The following LRP1B variants were observed in gnomAD, a reference collection of about 807,000 sequenced individuals.
LRP1B encodes the protein LDL receptor related protein 1B.
A neutral mutation model predicts 556.6 loss-of-function variants in LRP1B; 217 were observed. The ratio of observed to expected loss-of-function variants is 0.39; its 90% CI spans 0.35 to 0.44. LRP1B has a LOEUF of 0.44. LRP1B is among the 20% of genes least tolerant of loss of function. LRP1B has a pLI of 1.00. For missense variants in LRP1B, 5,053 were observed against 5,620.8 expected (o/e 0.90, Z 3.23); for synonymous variants, 2,047 against 1,865.8 (o/e 1.10, Z -2.50).
intron 11 of LRP1B, among the ~76,000 whole-genome samples, chr2:141,041,192 C>A (rs17588199): frequency 3.3e-5 from 5 of 152,048 alleles, no homozygotes; most frequent in Admixed American, 2.6e-4. Flanking sequence ...ATAGAACACA[C>A]CTTCATACGT....
At chr2:140,712,918 T>C (rs138872071) in intron 37 of LRP1B, among the ~76,000 whole-genome samples, 290 of 151,998 alleles carry the variant, frequency 1.9e-3, no homozygotes, top group Non-Finnish European at 3.1e-3. Flanking sequence ...AAGCCTCAAA[T>C]GGCTGTTTTT....
chr2:140,849,427 G>T (rs1692387146), intron 29 of LRP1B, among the ~76,000 whole-genome samples: 1 of 149,610 alleles, frequency 6.7e-6, no homozygotes, highest in Non-Finnish European at 1.5e-5. Flanking sequence ...AAAAAAACAG[G>T]GAAGCCAGTC....
intron 1 of LRP1B, among the ~76,000 whole-genome samples, chr2:141,903,061 G>A (rs1699665649): frequency 6.6e-6 from 1 of 151,768 alleles, no homozygotes; most frequent in African/African-American, 2.4e-5. Context: ...TAGTATGCCA[G>A]TGGTGTTCAT....
intron 86 of LRP1B, among the ~76,000 whole-genome samples, chr2:140,259,139 C>T (rs1681821357): frequency 6.6e-6 from 1 of 152,204 alleles, no homozygotes; most frequent in East Asian, 1.9e-4. Flanking sequence ...TTATCTTACA[C>T]CACTCAAATG....
chr2:141,798,514 C>A (rs1695895953), intron 2 of LRP1B, among the ~76,000 whole-genome samples: 1 of 151,878 alleles, frequency 6.6e-6, no homozygotes, highest in African/African-American at 2.4e-5. Context: ...TGAGACCATC[C>A]TGGCCAACAT....
Position 140,304,154 on chromosome 2 carries a change from T to G in LRP1B, c.12806-6185A>C, listed in dbSNP as rs185466994. The stretch of plus-strand genomic sequence containing the variant: ...TGTGTCTTTACAGCAGCATGATTTA[T>G]AATCCTTTGGGTATATACCCAGTAA... On this transcript the variant is annotated intron_variant, in intron 83 of 90. Transcript: ENST00000389484. 3.3e-3 allele frequency among the ~76,000 whole-genome samples: 505 copies of G among 152,324 alleles called. 2 individuals are homozygous for G. The highest frequency in any genetic ancestry group is 4.5e-3 in the Non-Finnish European group (304 of 68,030).
intron 2 of LRP1B, among the ~76,000 whole-genome samples, chr2:141,496,159 T>A (rs191476058): frequency 1.3e-5 from 2 of 152,126 alleles, no homozygotes; most frequent in East Asian, 3.9e-4. Context: ...TATTAAACAA[T>A]TTCACCATTT....
At chr2:141,217,425 T>C (rs1174325170) in intron 6 of LRP1B, among the ~76,000 whole-genome samples, 1 of 152,166 alleles carries the variant, frequency 6.6e-6, no homozygotes, top group African/African-American at 2.4e-5. Context: ...CAAAATACTG[T>C]GTAATTATTA....
At chr2:140,724,398 A>G (rs1046255170) in intron 35 of LRP1B, among the ~76,000 whole-genome samples, 1 of 152,216 alleles carries the variant, frequency 6.6e-6, no homozygotes, top group African/African-American at 2.4e-5. Context: ...GATAGTTCCA[A>G]TTTATGAACA....
chr2:140,604,803 G>A (rs1000491275), intron 41 of LRP1B, among the ~76,000 whole-genome samples: 1 of 151,712 alleles, frequency 6.6e-6, no homozygotes, highest in Non-Finnish European at 1.5e-5. Flanking sequence ...AATCACAGTG[G>A]CAGGTTTTTC....
chr2:140,607,934 C>G (rs1682929989), intron 41 of LRP1B, among the ~76,000 whole-genome samples: 1 of 151,828 alleles, frequency 6.6e-6, no homozygotes, highest in Non-Finnish European at 1.5e-5. Context: ...AATTAGACTA[C>G]CACTAATATG....
chr2:140,401,801 G>A (rs894449436), intron 66 of LRP1B, among the ~76,000 whole-genome samples: 1 of 152,206 alleles, frequency 6.6e-6, no homozygotes, highest in South Asian at 2.1e-4. Flanking sequence ...CTGTGACCAG[G>A]AAAGATAAAA....
chr2:140,998,723 C>T (rs547962575), intron 15 of LRP1B, among the ~76,000 whole-genome samples: 49 of 152,042 alleles, frequency 3.2e-4, no homozygotes, highest in Non-Finnish European at 5.9e-4. Context: ...CTGGCATAGC[C>T]TTATGTTGCA....
intron 88 of LRP1B, among the ~76,000 whole-genome samples, chr2:140,238,503 C>T (rs1054979574): frequency 6.6e-6 from 1 of 150,892 alleles, no homozygotes; most frequent in East Asian, 2.0e-4. Context: ...GAAATAAATA[C>T]CTCCTAAATA....
At chr2:141,129,844 C>CT (rs1206851140) in intron 7 of LRP1B, among the ~76,000 whole-genome samples, 1 of 151,630 alleles carries the variant, frequency 6.6e-6, no homozygotes, top group African/African-American at 2.4e-5. Flanking sequence ...TAAAAGTGTT[C>CT]TTCATTTAAA....
At chr2:141,225,426 C>T (rs1055313276) in intron 6 of LRP1B, among the ~76,000 whole-genome samples, 4 of 152,008 alleles carry the variant, frequency 2.6e-5, no homozygotes, top group African/African-American at 4.8e-5. Flanking sequence ...CACTTTGTCC[C>T]GAGGAAACAG....
At chr2:141,028,473 A>T (rs1404604395) in intron 11 of LRP1B, among the ~76,000 whole-genome samples, 2 of 151,978 alleles carry the variant, frequency 1.3e-5, no homozygotes, top group Admixed American at 1.3e-4. Context: ...GTAATCTAAA[A>T]TTTTTTATTA....
chr2:140,961,707 C>G (rs183817566), intron 18 of LRP1B, among the ~76,000 whole-genome samples: 1 of 151,950 alleles, frequency 6.6e-6, no homozygotes, highest in Non-Finnish European at 1.5e-5. Context: ...ATTGTTATCA[C>G]AATATAATAT....
chr2:141,177,318 A>G (rs1263328608), intron 7 of LRP1B, among the ~76,000 whole-genome samples: 1 of 152,118 alleles, frequency 6.6e-6, no homozygotes, highest in Non-Finnish European at 1.5e-5. Context: ...AATTTCTGGA[A>G]GCTAGTGTTA....
Sources: gnomAD v4.1 joint callset for allele counts (sites outside exome capture counted in the v4.1 genomes callset) on GRCh38, gnomAD v4.1.1 for gene constraint, MANE v1.5 for transcripts, NCBI Gene and HGNC (gene_info 2026-07-23, HGNC 2026-07-21) for gene names.